The following CACNA1G variants were observed in gnomAD, a reference collection of about 807,000 sequenced individuals.
The protein encoded by CACNA1G is calcium voltage-gated channel subunit alpha1 G, also known as voltage-dependent T-type calcium channel subunit alpha-1G.
In CACNA1G, 67 loss-of-function variants were observed where a neutral mutation model predicts 219.4. That is an observed-to-expected ratio of 0.31 (90% CI 0.25 to 0.37). The LOEUF is 0.37. Among genes scored for constraint, CACNA1G ranks in the 10% least tolerant of loss-of-function variants. The pLI is 1.00. For missense variants in CACNA1G, 2,380 were observed against 3,231.4 expected, an observed-to-expected ratio of 0.74 and a Z score of 6.39; for synonymous variants, 1,296 against 1,345.3, an observed-to-expected ratio of 0.96 and a Z score of 0.80.
In CACNA1G at chr17:50,618,633, C is replaced by T. The variant is rs1457730522; in HGVS notation, c.5428-22C>T. ...CAACAACTGTCCTCCCCAGCCTCAC[C>T]CCTCTATTCCACCCTCCCCAGGACA... On this transcript the variant is annotated intron_variant, in intron 32 of 37. Transcript: ENST00000359106. The surrounding 1 kb of genome is among the most constrained non-coding windows in gnomAD (Gnocchi z 5.3). 1 of 1,564,976 alleles carries T rather than the reference C, an allele frequency of 6.4e-7. No homozygotes were observed. The highest frequency in any genetic ancestry group is 1.1e-5 in the South Asian group (1 of 89,514).
At chr17:50,584,664 G>A (rs2042654387) in intron 9 of CACNA1G, among the ~76,000 whole-genome samples, 1 of 152,062 alleles carries the variant, frequency 6.6e-6, no homozygotes, top group African/African-American at 2.4e-5. Flanking sequence ...TGCAGGTGGA[G>A]GAACGGCTGG....
In CACNA1G at chr17:50,606,675, C is replaced by T. The variant is rs28691270; in HGVS notation, c.4423-225C>T. On this transcript the variant is annotated intron_variant, in intron 23 of 37. Transcript: ENST00000359106. ...TTTTTGTGTCCCTTCTCCTACCTGGCGGAGGGCAGAGGGTGTGACCATCTC... is the reference window on the plus strand; with the variant it reads ...TTTTTGTGTCCCTTCTCCTACCTGGTGGAGGGCAGAGGGTGTGACCATCTC... Among the ~76,000 whole-genome samples the T allele has an allele frequency of 0.064, 9,794 of 152,158 alleles. 1,088 individuals are homozygous for T. Among genetic ancestry groups the T allele is most frequent in the African/African-American group, 0.22 (9,226 of 41,450 alleles).
At position 50,573,028 on chromosome 17, in the gene CACNA1G, C is replaced by T. The variant is rs1208102871; in HGVS notation, c.1055C>T (p.Thr352Met). Residue 352 changes from threonine to methionine, a missense_variant, in exon 7 of 38, where the codon ACG (threonine) becomes ATG (methionine). Coordinates refer to ENST00000359106, the MANE Select transcript of CACNA1G (RefSeq NM_018896.5). Reference sequence around the variant, plus strand: ...CCCCTCTGCACCCCCTAGGTCATCACGCTGGAGGGCTGGGTCGACATCATG... The same window carrying T: ...CCCCTCTGCACCCCCTAGGTCATCATGCTGGAGGGCTGGGTCGACATCATG... ...YAWIAIFQVI[T>M]LEGWVDIMYF... 6.3e-7 allele frequency: 1 copy of T among 1,577,886 alleles called. No individual in the cohort carries two copies.
At chr17:50,563,219 C>T (rs2036544051) in intron 1 of CACNA1G, 1 of 152,294 alleles carries the variant, frequency 6.6e-6, no homozygotes, top group African/African-American at 2.4e-5. Flanking sequence ...TTAGGAAGCT[C>T]CCCTCATCAC....
At chr17:50,623,390 G>A (rs1003018716) in intron 35 of CACNA1G, among the ~76,000 whole-genome samples, 1 of 149,584 alleles carries the variant, frequency 6.7e-6, no homozygotes, top group African/African-American at 2.5e-5. Context: ...GGGATTACAG[G>A]CATGAGCCAC....
intron 25 of CACNA1G, 152 bp downstream of exon 25, chr17:50,608,171 G>A (rs534002398): frequency 1.5e-6 from 1 of 684,492 alleles, no homozygotes; most frequent in South Asian, 1.9e-5. Context: ...CTCCCCAAGA[G>A]CATGTCTGCC....
chr17:50,593,671 A>G (rs2044856442), intron 13 of CACNA1G, among the ~76,000 whole-genome samples: 1 of 152,192 alleles, frequency 6.6e-6, no homozygotes, highest in African/African-American at 2.4e-5. Flanking sequence ...CCACGCAGCC[A>G]CACCCTCCCC....
chr17:50,591,366 G>GT, intron 10 of CACNA1G, 69 bp from the exon 11 acceptor site: 1 of 1,410,666 alleles, frequency 7.1e-7, no homozygotes, highest in Admixed American at 2.7e-5. Flanking sequence ...GTGCTACTGA[G>GT]TCCTCTCCGA....
At chr17:50,566,805 A>C (rs544455530) in intron 1 of CACNA1G, among the ~76,000 whole-genome samples, 2 of 152,370 alleles carry the variant, frequency 1.3e-5, no homozygotes, top group African/African-American at 4.8e-5. Context: ...AAGACGTATC[A>C]GAATGCCCCT....
Position 50,618,823 on chromosome 17 carries a change from G to C in CACNA1G, c.5596G>C (p.Glu1866Gln). The change falls in exon 33 of 38, where the codon GAG (glutamate) becomes CAG (glutamine). Residue 1866 changes from glutamate (E) to glutamine (Q), a missense_variant. Glu to Gln is a conservative substitution (Grantham distance 29). This residue lies in a region of CACNA1G where 672 missense variants were observed against 670.5 expected (regional missense o/e 1.00). Transcript: ENST00000359106. The surrounding 1 kb of genome is among the most constrained non-coding windows in gnomAD (Gnocchi z 5.3). ...ESNKEAKEEA[E>Q]LEAELELEMK... ...CAACAAGGAGGCCAAGGAGGAGGCC[G>C]AGCTAGAGGCTGAGCTGGAGCTGGA... 6.2e-7 allele frequency: 1 copy of C among 1,613,892 alleles called. No individual in the cohort carries two copies. The highest frequency in any genetic ancestry group is 8.5e-7 in the Non-Finnish European group (1 of 1,179,882).
intron 1 of CACNA1G, among the ~76,000 whole-genome samples, chr17:50,563,479 C>T (rs1195613355): frequency 2.0e-5 from 3 of 152,248 alleles, no homozygotes; most frequent in African/African-American, 4.8e-5. Flanking sequence ...AAGCATCAAC[C>T]TCTATGTCCT....
intron 36 of CACNA1G, 126 bp from the exon 37 acceptor site, chr17:50,624,234 G>A: frequency 8.0e-7 from 1 of 1,249,952 alleles, no homozygotes; most frequent in Non-Finnish European, 1.1e-6. Context: ...GAGTCCAGGG[G>A]GTAAGGGTAG....
chr17:50,567,767 C>T (rs1040146828), intron 1 of CACNA1G, among the ~76,000 whole-genome samples: 4 of 152,178 alleles, frequency 2.6e-5, no homozygotes, highest in Non-Finnish European at 4.4e-5. Flanking sequence ...AACCGTGAGT[C>T]CAGTGCCTGG....
intron 35 of CACNA1G, among the ~76,000 whole-genome samples, chr17:50,622,775 G>A (rs901498439): frequency 3.1e-4 from 47 of 152,150 alleles, no homozygotes; most frequent in Non-Finnish European, 6.0e-4. Flanking sequence ...CTGAAACAGA[G>A]CAACAACCCC....
chr17:50,604,337 C>T, intron 22 of CACNA1G, 56 bp downstream of exon 22: 2 of 1,593,848 alleles, frequency 1.3e-6, no homozygotes, highest in Admixed American at 3.4e-5. Context: ...GGCCCTTCCC[C>T]TTGGCCCCTG....
At position 50,576,133 on chromosome 17, in the gene CACNA1G, T is replaced by G; in HGVS notation, c.1731T>G (p.Ser577=). The G allele has an allele frequency of 6.2e-7, 1 of 1,606,128 alleles. No individual in the cohort carries two copies. The highest frequency in any genetic ancestry group is 1.1e-5 in the South Asian group (1 of 89,374). ...RCQAPPPRSP[S]EASGRTVGSG... ...AGGCGCCCCCTCCCAGGTCCCCATC[T>G]GAGGCATCCGGCAGGACTGTGGGCA... The change falls in exon 8 of 38, where the codon TCT becomes TCG. Residue 577 remains serine, a synonymous_variant. Transcript: ENST00000359106.
In CACNA1G at chr17:50,592,015, A is replaced by G. The variant is rs1165615249; in HGVS notation, c.2833A>G (p.Ile945Val). Residue 945 changes from isoleucine (I) to valine (V), a missense_variant, in exon 13 of 38, where the codon ATT becomes GTT. Around this residue, in one of 17 missense-constraint regions of CACNA1G, gnomAD observed 43 missense variants for 139.4 expected, o/e 0.31. Transcript: ENST00000359106. Reference protein sequence around the residue: ...STSSWAALYFIALMTFGNYVL... With the variant: ...STSSWAALYFVALMTFGNYVL... ...GTCGTCCTGGGCGGCCCTTTATTTC[A>G]TTGCCCTCATGACCTTCGGCAACTA... 1.2e-6 allele frequency: 2 copies of G among 1,613,674 alleles called. No individual in the cohort carries two copies. The highest frequency in any genetic ancestry group is 1.6e-4 in the Middle Eastern group (1 of 6,084).
At position 50,599,490 on chromosome 17, in the gene CACNA1G, C is replaced by G; in HGVS notation, c.3321C>G (p.Arg1107=). ...WSAASSWTSR[R]SSRNSLGRAP... ...CTGCAAGCAGCTGGACCAGCAGGCG[C>G]TCCAGCCGGAACAGCCTCGGCCGTG... Residue 1107 remains arginine, a synonymous_variant, in exon 17 of 38, where the codon CGC becomes CGG. Transcript: ENST00000359106. The G allele has an allele frequency of 6.3e-7, 1 of 1,595,956 alleles. No individual in the cohort carries two copies.
chr17:50,587,958 C>T (rs747724089), intron 9 of CACNA1G, among the ~76,000 whole-genome samples: 3 of 152,126 alleles, frequency 2.0e-5, no homozygotes, highest in African/African-American at 4.8e-5. Flanking sequence ...GAACAGTCTC[C>T]TTCTCCACGC....
Sources: gnomAD v4.1 joint callset for allele counts (sites outside exome capture counted in the v4.1 genomes callset) on GRCh38, gnomAD v4.1.1 for gene constraint, gnomAD v4.1.1 regional missense constraint, Gnocchi (gnomAD v3.1) non-coding constraint, MANE v1.5 for transcripts, NCBI Gene and HGNC (gene_info 2026-07-23, HGNC 2026-07-21) for gene names.